UNC13C: variants seen among roughly 807,000 people sequenced by gnomAD.
UNC13C encodes the protein unc-13 homolog C.
A neutral mutation model predicts 245.4 loss-of-function variants in UNC13C; 174 were observed. That is an observed-to-expected ratio of 0.71 (90% CI 0.63 to 0.80). UNC13C has a LOEUF of 0.80. UNC13C is among the 30% of genes least tolerant of loss of function. The pLI is 0.00. For synonymous variants in UNC13C, 992 were observed against 895.1 expected (o/e 1.11, Z -1.93); for missense variants, 2,829 against 2,602.9 (o/e 1.09, Z -1.89).
intron 10 of UNC13C, among the ~76,000 whole-genome samples, chr15:54,281,485 G>A (rs2036996514): frequency 6.6e-6 from 1 of 152,096 alleles, no homozygotes; most frequent in Admixed American, 6.6e-5. Flanking sequence ...TTTCTTTATG[G>A]GTTTGGCATG....
At chr15:54,379,684 C>T (rs1293745638) in intron 17 of UNC13C, among the ~76,000 whole-genome samples, 2 of 152,064 alleles carry the variant, frequency 1.3e-5, no homozygotes, top group Non-Finnish European at 2.9e-5. Flanking sequence ...AAGCAACCTA[C>T]ATGGTTCTGA....
At chr15:53,887,443 T>G in the UNC13C span, among the ~76,000 whole-genome samples, 1 of 152,186 alleles carries the variant, frequency 6.6e-6, no homozygotes, top group African/African-American at 2.4e-5. Context: ...CTTATTAACA[T>G]TTTTTACTGC....
intron 30 of UNC13C, among the ~76,000 whole-genome samples, chr15:54,617,494 C>A (rs775382389): frequency 9.9e-5 from 15 of 152,032 alleles, no homozygotes; most frequent in Non-Finnish European, 1.9e-4. Flanking sequence ...AGGCAACTAA[C>A]ATCTGAATCC....
chr15:53,981,677 A>G (rs1341633043), intron 1 of UNC13C, among the ~76,000 whole-genome samples: 1 of 152,200 alleles, frequency 6.6e-6, no homozygotes, highest in Non-Finnish European at 1.5e-5. Context: ...AGAATGCAAA[A>G]GACTGATCAC....
the UNC13C span, among the ~76,000 whole-genome samples, chr15:53,858,701 G>A: frequency 6.6e-6 from 1 of 152,122 alleles, no homozygotes; most frequent in Non-Finnish European, 1.5e-5. Flanking sequence ...TTACAGGCAT[G>A]AGCCACCACA....
chr15:54,606,768 C>A (rs1225710503), intron 30 of UNC13C, among the ~76,000 whole-genome samples: 1 of 152,192 alleles, frequency 6.6e-6, no homozygotes, highest in African/African-American at 2.4e-5. Flanking sequence ...ACCCTACAGC[C>A]TGTGGTGTCA....
chr15:53,919,636 T>G, the UNC13C span, among the ~76,000 whole-genome samples: 37 of 152,192 alleles, frequency 2.4e-4, no homozygotes, highest in African/African-American at 8.7e-4. Flanking sequence ...TTTGGAACAA[T>G]GTTAATTTTG....
At chr15:53,850,653 T>C in the UNC13C span, among the ~76,000 whole-genome samples, 1 of 152,132 alleles carries the variant, frequency 6.6e-6, no homozygotes, top group Non-Finnish European at 1.5e-5. Context: ...CAATTAGCCA[T>C]GTGTGATTTT....
intron 2 of UNC13C, among the ~76,000 whole-genome samples, chr15:54,068,480 T>A (rs914695357): frequency 6.6e-6 from 1 of 152,164 alleles, no homozygotes; most frequent in African/African-American, 2.4e-5. Flanking sequence ...TCCATTTGTT[T>A]ACATATTGTC....
chr15:53,913,545 A>T, the UNC13C span: 1 of 152,340 alleles, frequency 6.6e-6, no homozygotes, highest in Admixed American at 6.5e-5. Context: ...GAATGGCTAC[A>T]ATCATCAGGC....
chr15:54,046,173 A>G lies in UNC13C; in HGVS notation c.2983+30287A>G, dbSNP rs1897027966. On this transcript the variant is annotated intron_variant, in intron 2 of 32. Coordinates refer to ENST00000260323, the MANE Select transcript of UNC13C (RefSeq NM_001080534.3). ...GATGTAACAAAGTTTAATCCTGCCA[A>G]TATCTTGTGAATTGGTGTCTAATAA... is the stretch of plus-strand genomic sequence containing the variant. Among the ~76,000 whole-genome samples, 4 of 152,266 alleles carry G rather than the reference A, an allele frequency of 2.6e-5. No individual in the cohort carries two copies. In the South Asian group the frequency reaches 8.3e-4, roughly 32 times the overall value.
intron 2 of UNC13C, among the ~76,000 whole-genome samples, chr15:54,136,496 C>T (rs907427630): frequency 1.3e-5 from 2 of 151,962 alleles, no homozygotes; most frequent in African/African-American, 4.8e-5. Flanking sequence ...TAAACAGAAA[C>T]GATTTACTTC....
chr15:54,028,290 G>A (rs937920817), intron 2 of UNC13C, among the ~76,000 whole-genome samples: 1 of 152,096 alleles, frequency 6.6e-6, no homozygotes, highest in Non-Finnish European at 1.5e-5. Context: ...CTCAGTTATT[G>A]AATAAGGCCG....
chr15:54,064,519 G>T (rs1041431201), intron 2 of UNC13C, among the ~76,000 whole-genome samples: 1 of 152,202 alleles, frequency 6.6e-6, no homozygotes, highest in African/African-American at 2.4e-5. Flanking sequence ...CGTGGAAGCA[G>T]TGAAACAAAT....
rs915182885 is a variant in UNC13C, at chr15:54,628,506, C to G, written c.*1393C>G. The stretch of plus-strand genomic sequence containing the variant: ...GTGAGGTGAGCTAATTCATGTTAAA[C>G]TGTTAGGCCACTGCTTTGTTAATGA... On this transcript the variant is annotated 3_prime_UTR_variant, in exon 33 of 33. Coordinates refer to ENST00000260323, the MANE Select transcript of UNC13C (RefSeq NM_001080534.3). 6.6e-6 allele frequency: 1 copy of G among 152,580 alleles called. No individual in the cohort carries two copies. Among genetic ancestry groups the G allele is most frequent in the Non-Finnish European group, 1.5e-5 (1 of 68,024 alleles). The allele number at this position is 152,580 out of a possible 1,614,324, so 9.5% of individuals were successfully genotyped here. A position where few individuals can be genotyped will look rare whatever the true frequency, so the allele number is the denominator to read the frequency against.
chr15:53,943,137 C>A, the UNC13C span, among the ~76,000 whole-genome samples: 1 of 152,150 alleles, frequency 6.6e-6, no homozygotes, highest in African/African-American at 2.4e-5. Flanking sequence ...TCCATTCCAA[C>A]CTCCATTTTA....
rs1234918984 is a variant in UNC13C, at chr15:54,293,817, T to C, written c.3819-78T>C. 6 of 1,224,380 alleles carry C rather than the reference T, an allele frequency of 4.9e-6. No individual in the cohort carries two copies. In the African/African-American group the frequency reaches 7.9e-5, roughly 16 times the overall value. 75.8% of individuals were successfully genotyped at this position (1,224,380 alleles called of 1,614,324 possible). On this transcript the variant is annotated intron_variant, in intron 10 of 32. Transcript: ENST00000260323. ...GTATATTATGCCTTTCTAGAATAGA[T>C]AGAAAATAAAGTACTAACATCAAAT... is the stretch of plus-strand genomic sequence containing the variant.
chr15:53,923,919 A>C, the UNC13C span, among the ~76,000 whole-genome samples: 1 of 152,244 alleles, frequency 6.6e-6, no homozygotes, highest in Non-Finnish European at 1.5e-5. Context: ...CAAGAGAGAC[A>C]GCACGGGCTG....
intron 4 of UNC13C, among the ~76,000 whole-genome samples, chr15:54,146,372 A>G (rs1367039452): frequency 6.6e-6 from 1 of 152,174 alleles, no homozygotes; most frequent in East Asian, 1.9e-4. Context: ...CTCAAGTGTC[A>G]ATGACAGCAT....
Sources: gnomAD v4.1 joint callset for allele counts (sites outside exome capture counted in the v4.1 genomes callset) on GRCh38, gnomAD v4.1.1 for gene constraint, MANE v1.5 for transcripts, NCBI Gene and HGNC (gene_info 2026-07-23, HGNC 2026-07-21) for gene names.